LRIF1: variants seen among roughly 807,000 people sequenced by gnomAD.
LRIF1 encodes ligand-dependent nuclear receptor-interacting factor 1.
A neutral mutation model predicts 52.7 loss-of-function variants in LRIF1; 32 were observed. That is an observed-to-expected ratio of 0.61 (90% CI 0.46 to 0.82). The LOEUF is 0.82. Ranked by LOEUF, LRIF1 falls within the 40% of genes least tolerant of loss-of-function variation. The pLI is 0.00. For synonymous variants in LRIF1, 323 were observed against 317.4 expected, an observed-to-expected ratio of 1.02 and a Z score of -0.19; for missense variants, 887 against 892.0, an observed-to-expected ratio of 0.99 and a Z score of 0.07.
At chr1:110,902,247 C>T in the LRIF1 span, among the ~76,000 whole-genome samples, 1 of 152,126 alleles carries the variant, frequency 6.6e-6, no homozygotes, top group Non-Finnish European at 1.5e-5. Context: ...TTTATTATAG[C>T]TGTCAAGCCC....
intron 1 of LRIF1, among the ~76,000 whole-genome samples, chr1:110,955,980 T>C (rs977950404): frequency 5.9e-5 from 9 of 152,186 alleles, no homozygotes; most frequent in African/African-American, 1.4e-4. Flanking sequence ...TCTCCTTCCA[T>C]TGCAACACTG....
chr1:110,962,061 TACACACACACACACACACACAC>T (rs59351644), intron 1 of LRIF1, among the ~76,000 whole-genome samples: 1 of 143,790 alleles, frequency 7.0e-6, no homozygotes, highest in Admixed American at 7.0e-5. Context: ...GAGTTAAGGG[TACACACACACACACACACACAC>T]ACACACACAC....
the LRIF1 span, among the ~76,000 whole-genome samples, chr1:110,885,910 A>G: frequency 6.6e-6 from 1 of 152,070 alleles, no homozygotes; most frequent in African/African-American, 2.4e-5. Context: ...AATAACAAGA[A>G]AAAAAGTATT....
chr1:110,891,581 C>A, the LRIF1 span: 1 of 801,488 alleles, frequency 1.2e-6, no homozygotes, highest in South Asian at 1.4e-5. Context: ...GTGTTTGGGT[C>A]ATGTCCAGCA....
the LRIF1 span, among the ~76,000 whole-genome samples, chr1:110,915,448 A>C: frequency 5.3e-5 from 8 of 152,180 alleles, no homozygotes; most frequent in Non-Finnish European, 7.3e-5. Context: ...AGATAGCGCC[A>C]ATGCACTCCA....
chr1:110,884,076 C>G, the LRIF1 span, among the ~76,000 whole-genome samples: 2 of 151,914 alleles, frequency 1.3e-5, no homozygotes, highest in Non-Finnish European at 2.9e-5. Context: ...GTTTGTTATA[C>G]TTTTTCTAGT....
the LRIF1 span, among the ~76,000 whole-genome samples, chr1:110,912,880 T>C: frequency 6.6e-5 from 10 of 152,166 alleles, no homozygotes; most frequent in African/African-American, 2.4e-4. Flanking sequence ...AAAGCAATCA[T>C]AAGCAAAAAG....
the LRIF1 span, among the ~76,000 whole-genome samples, chr1:110,914,339 C>G: frequency 6.6e-6 from 1 of 151,992 alleles, no homozygotes; most frequent in Non-Finnish European, 1.5e-5. Context: ...GGGACAACTC[C>G]TACAAATAAA....
chr1:110,887,095 G>C, the LRIF1 span, among the ~76,000 whole-genome samples: 2 of 106,526 alleles, frequency 1.9e-5, no homozygotes, highest in African/African-American at 6.8e-5. Flanking sequence ...ACGGAGTCTC[G>C]CTCTGTCACC....
the LRIF1 span, chr1:110,896,539 C>A: frequency 1.1e-6 from 1 of 927,510 alleles, no homozygotes; most frequent in Non-Finnish European, 1.7e-6. Context: ...CAGACCAATT[C>A]TGGACTTCTG....
chr1:110,902,682 T>C, the LRIF1 span, among the ~76,000 whole-genome samples: 2 of 152,208 alleles, frequency 1.3e-5, no homozygotes, highest in East Asian at 3.9e-4. Context: ...ATAAAAGTTA[T>C]AACAATGTGT....
At chr1:110,898,066 T>C in the LRIF1 span, among the ~76,000 whole-genome samples, 1 of 152,172 alleles carries the variant, frequency 6.6e-6, no homozygotes, top group Non-Finnish European at 1.5e-5. Flanking sequence ...CTTTAAGGTA[T>C]ATAGAAAATG....
the LRIF1 span, chr1:110,894,177 CACAAA>C: frequency 1.5e-6 from 1 of 666,288 alleles, no homozygotes; most frequent in Admixed American, 2.5e-5. Flanking sequence ...CACATATTTT[CACAAA>C]ACAAAAGAAG....
chr1:110,912,107 T>C, the LRIF1 span, among the ~76,000 whole-genome samples: 1 of 152,254 alleles, frequency 6.6e-6, no homozygotes, highest in Non-Finnish European at 1.5e-5. Context: ...GAAAAATTCA[T>C]AGTCTCTGCC....
chr1:110,877,641 C>A, the LRIF1 span, among the ~76,000 whole-genome samples: 1 of 152,148 alleles, frequency 6.6e-6, no homozygotes, highest in Non-Finnish European at 1.5e-5. Context: ...TTCCTTATTT[C>A]TCTCTTCTTC....
the LRIF1 span, chr1:110,894,282 G>A: frequency 7.1e-6 from 11 of 1,555,280 alleles, no homozygotes; most frequent in Admixed American, 3.3e-5. Flanking sequence ...GGAGTGGGAC[G>A]AGAATGGGGA....
At chr1:110,876,463 A>G in the LRIF1 span, among the ~76,000 whole-genome samples, 738 of 152,304 alleles carry the variant, frequency 4.8e-3, 2 homozygotes, top group Admixed American at 8.4e-3. Flanking sequence ...AATACTTAAC[A>G]TATATTTTAT....
At chr1:110,954,418 C>G (rs1174709871) in intron 1 of LRIF1, among the ~76,000 whole-genome samples, 4 of 152,090 alleles carry the variant, frequency 2.6e-5, no homozygotes, top group Non-Finnish European at 5.9e-5. Context: ...GTAGCTGAGA[C>G]CACAGATGCA....
the LRIF1 span, among the ~76,000 whole-genome samples, chr1:110,907,780 G>C: frequency 2.6e-5 from 4 of 152,124 alleles, no homozygotes; most frequent in African/African-American, 9.6e-5. Context: ...TTCCAGTTAA[G>C]TGCCAGTTAG....
Sources: allele counts gnomAD v4.1 joint callset (sites outside exome capture counted in the v4.1 genomes callset), GRCh38; gene constraint gnomAD v4.1.1; transcripts MANE v1.5; gene names NCBI Gene and HGNC (gene_info 2026-07-23, HGNC 2026-07-21).